Variants in GPC5 observed in about 807,000 individuals in gnomAD.
GPC5 encodes the protein glypican 5.
In GPC5, 47 loss-of-function variants were observed where a neutral mutation model predicts 53.9. The observed-to-expected ratio is 0.87, with a 90% CI of 0.69 to 1.11. GPC5 has a LOEUF of 1.11. Among genes scored for constraint, GPC5 ranks in the 50% most tolerant of loss-of-function variants. The pLI is 0.00. For synonymous variants in GPC5, 286 were observed against 263.3 expected (o/e 1.09, Z -0.84); for missense variants, 748 against 713.1 (o/e 1.05, Z -0.56).
chr13:91,675,474 G>A (rs2035361210), intron 2 of GPC5, among the ~76,000 whole-genome samples: 2 of 152,146 alleles, frequency 1.3e-5, no homozygotes, highest in African/African-American at 4.8e-5. Flanking sequence ...CATGCCTGGT[G>A]CTTAGAAGTA....
intron 5 of GPC5, among the ~76,000 whole-genome samples, chr13:91,761,224 A>T (rs1429950134): frequency 6.6e-6 from 1 of 152,148 alleles, no homozygotes; most frequent in African/African-American, 2.4e-5. Context: ...AGTCTCCAGG[A>T]ATTAACTTCC....
At chr13:92,656,634 C>G (rs553951316) in intron 7 of GPC5, among the ~76,000 whole-genome samples, 1 of 152,214 alleles carries the variant, frequency 6.6e-6, no homozygotes, top group African/African-American at 2.4e-5. Flanking sequence ...TAGCCTACTT[C>G]TATTTATGAA....
chr13:91,532,115 C>T (rs534562352), intron 2 of GPC5, among the ~76,000 whole-genome samples: 17 of 151,936 alleles, frequency 1.1e-4, no homozygotes, highest in Non-Finnish European at 1.9e-4. Flanking sequence ...GAAAAAAAGG[C>T]AGATTAAGGA....
chr13:92,840,633 T>C (rs1878403067), intron 7 of GPC5, among the ~76,000 whole-genome samples: 1 of 152,070 alleles, frequency 6.6e-6, no homozygotes, highest in African/African-American at 2.4e-5. Flanking sequence ...TCTATTTCTG[T>C]AAAAAAATGC....
At position 92,257,546 on chromosome 13, in the gene GPC5, ATTTTTT is replaced by A. The variant is rs398023955; in HGVS notation, c.1561+112573_1561+112578del. On this transcript the variant is annotated intron_variant, in intron 7 of 7. Coordinates refer to ENST00000377067, the MANE Select transcript of GPC5 (RefSeq NM_004466.6). Reference sequence around the variant, plus strand: ...AGTGAGAGAGGTTTCTAATACAGGGATTTTTTTTTTTTTTTTTTTTTGGGGACAGAG... The same window carrying A: ...AGTGAGAGAGGTTTCTAATACAGGGATTTTTTTTTTTTTTTGGGGACAGAG... Among the ~76,000 whole-genome samples the A allele has an allele frequency of 9.3e-3, 682 of 72,976 alleles. 36 individuals are homozygous for A. Among genetic ancestry groups the A allele is most frequent in the South Asian group, 0.09 (159 of 1,774 alleles). 47.9% of individuals were successfully genotyped at this position (72,976 alleles called of 152,430 possible). A position where few individuals can be genotyped will look rare whatever the true frequency, so the allele number is the denominator to read the frequency against.
At position 91,608,832 on chromosome 13, in the gene GPC5, A is replaced by G. The variant is rs188429752; in HGVS notation, c.326-84355A>G. On this transcript the variant is annotated intron_variant, in intron 2 of 7. Coordinates refer to ENST00000377067, the MANE Select transcript of GPC5 (RefSeq NM_004466.6). ...ACTGGGATGATCTGAGCTGGTTTCA[A>G]TGGTATTTGCTGTTAATGATTGGAC... Among the ~76,000 whole-genome samples, 65 of 151,850 alleles carry G rather than the reference A, an allele frequency of 4.3e-4. No homozygotes were observed. In the East Asian group the frequency reaches 0.01, roughly 24 times the overall value.
intron 7 of GPC5, among the ~76,000 whole-genome samples, chr13:92,644,281 G>T (rs578052626): frequency 2.6e-5 from 4 of 152,264 alleles, no homozygotes; most frequent in African/African-American, 9.6e-5. Context: ...CTGTACCTTT[G>T]CTGCTAGCTT....
intron 6 of GPC5, among the ~76,000 whole-genome samples, chr13:91,923,117 A>G (rs995531968): frequency 6.7e-6 from 1 of 149,926 alleles, no homozygotes; most frequent in Non-Finnish European, 1.5e-5. Context: ...AGTATGCACA[A>G]TCAATCAATC....
chr13:92,696,400 G>A (rs2139241736), intron 7 of GPC5, among the ~76,000 whole-genome samples: 1 of 152,336 alleles, frequency 6.6e-6, no homozygotes, highest in Middle Eastern at 3.4e-3. Flanking sequence ...TAACTGGCAT[G>A]AGATGGTATC....
chr13:91,739,461 G>A (rs1380341444), intron 4 of GPC5, among the ~76,000 whole-genome samples: 1 of 151,478 alleles, frequency 6.6e-6, no homozygotes, highest in Non-Finnish European at 1.5e-5. Flanking sequence ...CCTATTTTCT[G>A]TTAGGAATTT....
chr13:92,163,870 TCA>T (rs1460480961), intron 7 of GPC5, among the ~76,000 whole-genome samples: 1 of 152,184 alleles, frequency 6.6e-6, no homozygotes, highest in Non-Finnish European at 1.5e-5. Context: ...TTTAATTGAC[TCA>T]CAGTTCCACA....
At chr13:91,912,149 A>G (rs1213024068) in intron 6 of GPC5, among the ~76,000 whole-genome samples, 3 of 152,188 alleles carry the variant, frequency 2.0e-5, no homozygotes, top group African/African-American at 7.2e-5. Context: ...TATTGCAAAA[A>G]CCTATGAATG....
intron 7 of GPC5, among the ~76,000 whole-genome samples, chr13:92,791,078 ACAGT>A (rs1310380369): frequency 1.3e-5 from 2 of 152,076 alleles, no homozygotes; most frequent in Non-Finnish European, 2.9e-5. Flanking sequence ...GTGAAATTCA[ACAGT>A]CAGTTAGAAT....
intron 2 of GPC5, among the ~76,000 whole-genome samples, chr13:91,480,363 C>A (rs1219687937): frequency 1.3e-5 from 2 of 152,166 alleles, no homozygotes; most frequent in Non-Finnish European, 2.9e-5. Flanking sequence ...CTATGGGTTT[C>A]TTTCAGTGTT....
At chr13:92,106,711 A>G (rs890188566) in intron 6 of GPC5, among the ~76,000 whole-genome samples, 2 of 152,076 alleles carry the variant, frequency 1.3e-5, no homozygotes, top group African/African-American at 4.8e-5. Context: ...AATTTTCATG[A>G]GTTGTAGCAC....
intron 2 of GPC5, among the ~76,000 whole-genome samples, chr13:91,579,636 T>C (rs891658960): frequency 4.1e-5 from 6 of 145,720 alleles, no homozygotes; most frequent in African/African-American, 1.3e-4. Context: ...TTTTTTTTTT[T>C]TTTTTTTTTT....
chr13:92,241,028 GC>G (rs1175658338), intron 7 of GPC5: 1 of 151,938 alleles, frequency 6.6e-6, no homozygotes, highest in Non-Finnish European at 1.5e-5. Flanking sequence ...CTACATTTTT[GC>G]CCAGAACCAA....
intron 6 of GPC5, among the ~76,000 whole-genome samples, chr13:91,950,230 G>A (rs77447479): frequency 0.021 from 3,149 of 148,394 alleles, 99 homozygotes; most frequent in African/African-American, 0.074. Context: ...CACACCAATA[G>A]CAGAATTTTT....
At chr13:92,787,446 T>A (rs1020570834) in intron 7 of GPC5, among the ~76,000 whole-genome samples, 3 of 151,666 alleles carry the variant, frequency 2.0e-5, no homozygotes, top group Non-Finnish European at 4.4e-5. Context: ...AAAAATAAAA[T>A]TAAATGTTTA....
Sources: allele counts gnomAD v4.1 joint callset (sites outside exome capture counted in the v4.1 genomes callset), GRCh38; gene constraint gnomAD v4.1.1; transcripts MANE v1.5; gene names NCBI Gene and HGNC (gene_info 2026-07-23, HGNC 2026-07-21).